VWA8: variants seen among roughly 807,000 people sequenced by gnomAD.
VWA8 encodes the protein von Willebrand factor A domain-containing protein 8.
A neutral mutation model predicts 241.5 loss-of-function variants in VWA8; 221 were observed. That is an observed-to-expected ratio of 0.91 (90% CI 0.82 to 1.02). The LOEUF (loss-of-function observed/expected upper bound fraction) is 1.02. VWA8 is among the 50% of genes least tolerant of loss of function. The probability of loss-of-function intolerance (pLI) is 0.00; values close to 1 mark genes in which losing one functional copy is unlikely to be tolerated. For missense variants in VWA8, 2,322 were observed against 2,328.7 expected, an observed-to-expected ratio of 1.00 and a Z score of 0.06; for synonymous variants, 852 against 827.1, an observed-to-expected ratio of 1.03 and a Z score of -0.52.
intron 37 of VWA8, among the ~76,000 whole-genome samples, chr13:41,636,375 T>C (rs1291771873): frequency 1.3e-5 from 2 of 152,170 alleles, no homozygotes; most frequent in African/African-American, 4.8e-5. Context: ...GCTAGCCATA[T>C]GTAGAAAGCT....
intron 17 of VWA8, among the ~76,000 whole-genome samples, chr13:41,789,047 C>G (rs1234777180): frequency 6.6e-6 from 1 of 152,098 alleles, no homozygotes; most frequent in African/African-American, 2.4e-5. Flanking sequence ...CACACTTCAC[C>G]ATTATTCTCA....
At chr13:41,703,455 A>C (rs1396978288) in intron 26 of VWA8, 44 bp from the exon 27 acceptor site, 3 of 1,563,878 alleles carry the variant, frequency 1.9e-6, no homozygotes, top group Non-Finnish European at 2.6e-6. Flanking sequence ...TATTGTACCC[A>C]AGTCATAGAA....
intron 9 of VWA8, among the ~76,000 whole-genome samples, chr13:41,881,689 C>T (rs1874204589): frequency 6.8e-6 from 1 of 147,586 alleles, no homozygotes; most frequent in Non-Finnish European, 1.5e-5. Flanking sequence ...GGCAGAGGCG[C>T]CCCTCACCTC....
In VWA8 at chr13:41,900,797, G is replaced by A. The variant is rs566364981; in HGVS notation, c.483+6789C>T. Among the ~76,000 whole-genome samples the A allele has an allele frequency of 3.3e-5, 5 of 152,230 alleles. No individual in the cohort carries two copies. In the East Asian group the frequency reaches 9.7e-4, roughly 29 times the overall value. On this transcript the variant is annotated intron_variant, in intron 4 of 44. Coordinates refer to ENST00000379310, the MANE Select transcript of VWA8 (RefSeq NM_015058.2). ...TAAAGCTTCAAATTTACTCAAAATAGCTACGGTGTAAAAGTACTGAGGAAG... is the reference window on the plus strand; with the variant it reads ...TAAAGCTTCAAATTTACTCAAAATAACTACGGTGTAAAAGTACTGAGGAAG...
intron 12 of VWA8, among the ~76,000 whole-genome samples, chr13:41,857,695 A>C (rs1284794446): frequency 6.6e-6 from 1 of 152,194 alleles, no homozygotes; most frequent in Non-Finnish European, 1.5e-5. Flanking sequence ...TTGAAATGAC[A>C]TTTAATGAAA....
At chr13:41,694,434 T>C (rs1273236906) in intron 29 of VWA8, among the ~76,000 whole-genome samples, 1 of 152,066 alleles carries the variant, frequency 6.6e-6, no homozygotes, top group Admixed American at 6.6e-5. Context: ...TAAGATATAA[T>C]TCTCCATTAA....
chr13:41,787,766 A>G (rs1225253098), intron 17 of VWA8, among the ~76,000 whole-genome samples: 1 of 152,208 alleles, frequency 6.6e-6, no homozygotes, highest in Non-Finnish European at 1.5e-5. Context: ...TCCTTTAATA[A>G]GTAAAACTTA....
At chr13:41,745,931 A>T (rs930445490) in intron 21 of VWA8, among the ~76,000 whole-genome samples, 21 of 152,192 alleles carry the variant, frequency 1.4e-4, no homozygotes, top group Non-Finnish European at 2.5e-4. Context: ...CATAGAAATA[A>T]TGATTTTCTT....
At chr13:41,729,169 A>G (rs2045460863) in intron 23 of VWA8, among the ~76,000 whole-genome samples, 1 of 152,042 alleles carries the variant, frequency 6.6e-6, no homozygotes, top group African/African-American at 2.4e-5. Context: ...TTCACCACAT[A>G]TATGTGTACA....
chr13:41,596,896 C>T (rs2044492221), intron 40 of VWA8, among the ~76,000 whole-genome samples: 1 of 151,616 alleles, frequency 6.6e-6, no homozygotes, highest in African/African-American at 2.4e-5. Context: ...TGGTTTGTGA[C>T]ACTTTGTCTT....
At chr13:41,655,725 G>C (rs2044900262) in intron 37 of VWA8, among the ~76,000 whole-genome samples, 1 of 152,144 alleles carries the variant, frequency 6.6e-6, no homozygotes, top group Admixed American at 6.5e-5. Flanking sequence ...ATCTTCCTCA[G>C]AGGTTGAAGA....
chr13:41,602,365 C>T (rs756602465), intron 40 of VWA8, among the ~76,000 whole-genome samples: 13 of 152,138 alleles, frequency 8.5e-5, no homozygotes, highest in Middle Eastern at 6.8e-3. Context: ...AGCTTTGGGC[C>T]GCACCTGCCT....
chr13:41,660,173 T>C (rs556792916), intron 37 of VWA8, among the ~76,000 whole-genome samples: 4 of 152,198 alleles, frequency 2.6e-5, no homozygotes, highest in East Asian at 3.9e-4. Flanking sequence ...TGGAGTACAG[T>C]GGCATGATCT....
At chr13:41,643,143 G>A (rs2044807775) in intron 37 of VWA8, among the ~76,000 whole-genome samples, 1 of 152,068 alleles carries the variant, frequency 6.6e-6, no homozygotes, top group Admixed American at 6.6e-5. Context: ...TTCTGCTGTT[G>A]GTCCACTGTC....
At chr13:41,945,352 T>C (rs987614038) in intron 2 of VWA8, among the ~76,000 whole-genome samples, 1 of 149,400 alleles carries the variant, frequency 6.7e-6, no homozygotes, top group East Asian at 1.9e-4. Context: ...TTAAAATGTC[T>C]ACTTTCAGTA....
intron 37 of VWA8, among the ~76,000 whole-genome samples, chr13:41,661,858 G>C (rs2044952081): frequency 6.6e-6 from 1 of 152,106 alleles, no homozygotes; most frequent in South Asian, 2.1e-4. Context: ...ACATGTGCTT[G>C]TTTTGCATAT....
intron 37 of VWA8, among the ~76,000 whole-genome samples, chr13:41,655,176 G>A (rs1042285516): frequency 3.3e-5 from 5 of 150,538 alleles, no homozygotes; most frequent in East Asian, 2.0e-4. Flanking sequence ...TGCAACCTCC[G>A]CCCCCTGGGT....
chr13:41,730,835 C>T (rs942220305), intron 22 of VWA8, among the ~76,000 whole-genome samples: 2 of 151,664 alleles, frequency 1.3e-5, no homozygotes, highest in Non-Finnish European at 2.9e-5. Context: ...ATGGGCATTC[C>T]TTCTACCACA....
chr13:41,583,186 G>A (rs1372052625), intron 42 of VWA8, among the ~76,000 whole-genome samples: 1 of 152,174 alleles, frequency 6.6e-6, no homozygotes, highest in Non-Finnish European at 1.5e-5. Flanking sequence ...GCAGAGACTG[G>A]GTGGCTTGTG....
Sources: gnomAD v4.1 joint callset for allele counts (sites outside exome capture counted in the v4.1 genomes callset) on GRCh38, gnomAD v4.1.1 for gene constraint, MANE v1.5 for transcripts, NCBI Gene and HGNC (gene_info 2026-07-23, HGNC 2026-07-21) for gene names.